Variants in PFN4 observed in about 807,000 individuals in gnomAD.
PFN4 encodes the protein profilin family member 4.
Under a neutral mutation model 16.3 loss-of-function variants are expected in PFN4, and 10 were observed. That is an observed-to-expected ratio of 0.61 (90% CI 0.38 to 1.04). PFN4 has a LOEUF of 1.04. Among genes scored for constraint, PFN4 ranks in the 50% least tolerant of loss-of-function variants. The pLI, the probability that PFN4 is intolerant of heterozygous loss-of-function variation, is 0.01. For missense variants in PFN4, 136 were observed against 153.6 expected (o/e 0.89, Z 0.61); for synonymous variants, 54 against 56.9 (o/e 0.95, Z 0.23).
chr2:24,120,352 T>A (rs777625437), intron 3 of PFN4, among the ~76,000 whole-genome samples: 16 of 152,142 alleles, frequency 1.1e-4, no homozygotes, highest in Non-Finnish European at 1.8e-4. Flanking sequence ...ATTGGACAGC[T>A]CTGGGCTTGA....
chr2:24,120,316 G>A (rs977970970), intron 3 of PFN4, among the ~76,000 whole-genome samples: 4 of 151,990 alleles, frequency 2.6e-5, no homozygotes, highest in Non-Finnish European at 5.9e-5. Flanking sequence ...CAAAACTGAT[G>A]TAATGGAAAG....
intron 3 of PFN4, among the ~76,000 whole-genome samples, chr2:24,120,516 A>G (rs936218030): frequency 3.3e-5 from 5 of 152,184 alleles, no homozygotes; most frequent in Admixed American, 3.3e-4. Flanking sequence ...AATGATTTTC[A>G]TCTCTTTCAT....
chr2:24,121,324 C>G, intron 2 of PFN4, 24 bp from the exon 3 acceptor site: 1 of 1,603,146 alleles, frequency 6.2e-7, no homozygotes, highest in Non-Finnish European at 8.5e-7. Context: ...ATGGTTAGAG[C>G]AGGAGTCAGC....
At chr2:24,117,187 T>C (rs1357139793) in intron 4 of PFN4, among the ~76,000 whole-genome samples, 2 of 151,886 alleles carry the variant, frequency 1.3e-5, no homozygotes, top group African/African-American at 4.8e-5. Context: ...GTCTAATTTA[T>C]GTATTTTTGG....
Position 24,122,326 on chromosome 2 carries a change from C to CAAAAAA in PFN4, c.117+87_117+92dup, listed in dbSNP as rs71397404. On this transcript the variant is annotated intron_variant, in intron 2 of 4. Transcript: ENST00000313213. ...AAGCAACAAGAGTGAAATTCCGTCT[C>CAAAAAA]AAAAAAAAAAAAAAGTCATGTCTGC... 7.0e-4 allele frequency: 526 copies of CAAAAAA among 748,614 alleles called. 1 individual carries two copies. Among genetic ancestry groups the CAAAAAA allele is most frequent in the South Asian group, 1.1e-3 (63 of 59,806 alleles). The allele number at this position is 748,614 out of a possible 1,614,324, so 46.4% of individuals were successfully genotyped here. A position where few individuals can be genotyped will look rare whatever the true frequency, so the allele number is the denominator to read the frequency against.
At chr2:24,117,589 C>CCCACCA (rs1665963588) in intron 4 of PFN4, among the ~76,000 whole-genome samples, 1 of 151,950 alleles carries the variant, frequency 6.6e-6, no homozygotes, top group African/African-American at 2.4e-5. Flanking sequence ...ATTACAGGTA[C>CCCACCA]CCACCACCAC....
Position 24,122,536 on chromosome 2 carries a change from G to A in PFN4, c.-1C>T, listed in dbSNP as rs748171442. 3.1e-6 allele frequency: 5 copies of A among 1,605,166 alleles called. No individual in the cohort carries two copies. The highest frequency in any genetic ancestry group is 4.3e-6 in the Non-Finnish European group (5 of 1,172,820). Reference sequence around the variant, plus strand: ...ACAATAAGCTCTGCAAATGGCTCATGTTCCCTCAACTCTGAAAGGGAAAGT... The same window carrying A: ...ACAATAAGCTCTGCAAATGGCTCATATTCCCTCAACTCTGAAAGGGAAAGT... On this transcript the variant is annotated 5_prime_UTR_variant, in exon 2 of 5. Transcript: ENST00000313213.
Position 24,115,513 on chromosome 2 carries a change from A to G in PFN4, c.*70T>C. The G allele has an allele frequency of 2.1e-6, 3 of 1,399,828 alleles. No homozygotes were observed. The highest frequency in any genetic ancestry group is 2.0e-6 in the Non-Finnish European group (2 of 1,006,420). The allele number at this position is 1,399,828 out of a possible 1,614,324, so 86.7% of individuals were successfully genotyped here. A position where few individuals can be genotyped will look rare whatever the true frequency, so the allele number is the denominator to read the frequency against. On this transcript the variant is annotated 3_prime_UTR_variant, in exon 5 of 5. Transcript: ENST00000313213. ...TGTCTAGTGTTTTTTCAACCATAAA[A>G]TATTTTTTCTTTAGGCTCTTCAATT...
In PFN4 at chr2:24,115,483, C is replaced by A; in HGVS notation, c.*100G>T. On this transcript the variant is annotated 3_prime_UTR_variant, in exon 5 of 5. Transcript: ENST00000313213. Reference sequence around the variant, plus strand: ...CTTAATTCATTCTTCTTTTTTAGTGCCTTCTGTCTAGTGTTTTTTCAACCA... The same window carrying A: ...CTTAATTCATTCTTCTTTTTTAGTGACTTCTGTCTAGTGTTTTTTCAACCA... 2 of 996,320 alleles carry A rather than the reference C, an allele frequency of 2.0e-6. No individual in the cohort carries two copies. Among genetic ancestry groups the A allele is most frequent in the Non-Finnish European group, 3.0e-6 (2 of 665,816 alleles). The allele number at this position is 996,320 out of a possible 1,614,324, so 61.7% of individuals were successfully genotyped here. A position where few individuals can be genotyped will look rare whatever the true frequency, so the allele number is the denominator to read the frequency against.
At chr2:24,123,453 C>G (rs1666194135), upstream of PFN4, 2 of 152,374 alleles carry the variant, frequency 1.3e-5, no homozygotes, top group South Asian at 4.1e-4. Flanking sequence ...CTCCGCCGCC[C>G]CGGCACCGCC....
intron 3 of PFN4, 26 bp downstream of exon 3, chr2:24,121,137 G>T (rs776497287): frequency 6.2e-7 from 1 of 1,613,112 alleles, no homozygotes; most frequent in East Asian, 2.2e-5. Flanking sequence ...CTTTTACTCA[G>T]CTCTCTTCAA....
intron 4 of PFN4, among the ~76,000 whole-genome samples, chr2:24,118,767 C>T (rs565384572): frequency 1.3e-5 from 2 of 152,262 alleles, no homozygotes; most frequent in African/African-American, 4.8e-5. Flanking sequence ...TTAACCAGCT[C>T]TGCTTCCCTA....
Position 24,119,631 on chromosome 2 carries a change from T to C in PFN4, c.307A>G (p.Thr103Ala). 6.2e-7 allele frequency: 1 copy of C among 1,613,942 alleles called. No individual in the cohort carries two copies. The highest frequency in any genetic ancestry group is 8.5e-7 in the Non-Finnish European group (1 of 1,179,894). The change falls in exon 4 of 5, where the codon ACT (threonine) becomes GCT (alanine). Residue 103 changes from threonine to alanine, a missense_variant. Physicochemically the swap from Thr to Ala is moderately conservative, Grantham distance 58. Transcript: ENST00000313213. ...CTAGGATACATGCCCTCAGTGTAAG[T>C]TGCTACCAGAAGATACAGATGGGTC... Reference protein sequence around the residue: ...VKTHLYLLVATYTEGMYPSIC... With the variant: ...VKTHLYLLVAAYTEGMYPSIC...
rs1666158949 is a variant in PFN4 at position 24,122,676 on chromosome 2, G to GA, written c.-12-130dup. On this transcript the variant is annotated intron_variant, in intron 1 of 4. Coordinates refer to ENST00000313213, the MANE Select transcript of PFN4 (RefSeq NM_199346.3). ...AGTGTACTTTGAAAAGGTACAGGGT[G>GA]AAAACGGTGGTCCATCATTCAGGGC... is the stretch of plus-strand genomic sequence containing the variant. The GA allele has an allele frequency of 2.6e-5, 16 of 607,366 alleles. No individual in the cohort carries two copies. The South Asian group carries it at 3.5e-4, about 13-fold the overall frequency. 37.6% of individuals were successfully genotyped at this position (607,366 alleles called of 1,614,324 possible).
chr2:24,116,032 C>A (rs1217310559), intron 4 of PFN4, among the ~76,000 whole-genome samples: 4 of 151,854 alleles, frequency 2.6e-5, no homozygotes. Context: ...ATGACCTAGA[C>A]TTAAAACTGA....
Position 24,116,609 on chromosome 2 carries a change from C to CT in PFN4, c.362-999dup, listed in dbSNP as rs745508826. On this transcript the variant is annotated intron_variant, in intron 4 of 4. Transcript: ENST00000313213. ...GTGGCTCACGCCTATAATCCCAGCA[C>CT]TTTGGGAGGCTGAGGCGGGCAGATC... is the stretch of plus-strand genomic sequence containing the variant. Among the ~76,000 whole-genome samples the CT allele has an allele frequency of 3.9e-5, 6 of 152,118 alleles. No homozygotes were observed. In the South Asian group the frequency reaches 6.2e-4, roughly 16 times the overall value.
At chr2:24,116,710 C>T (rs753113345) in intron 4 of PFN4, among the ~76,000 whole-genome samples, 1 of 151,656 alleles carries the variant, frequency 6.6e-6, no homozygotes, top group Admixed American at 6.6e-5. Context: ...CAAACATTAG[C>T]CTGTGTGGTG....
At chr2:24,120,248 G>A (rs1227329305) in intron 3 of PFN4, among the ~76,000 whole-genome samples, 3 of 149,766 alleles carry the variant, frequency 2.0e-5, no homozygotes, top group South Asian at 2.1e-4. Context: ...CAGCCTGGGC[G>A]ACAAAAGTGA....
intron 3 of PFN4, 121 bp downstream of exon 3, chr2:24,121,042 G>T: frequency 7.5e-7 from 1 of 1,340,678 alleles, no homozygotes; most frequent in Non-Finnish European, 1.0e-6. Flanking sequence ...GCTATCTCAA[G>T]ACAATGGCTC....
Sources: gnomAD v4.1 joint callset for allele counts (sites outside exome capture counted in the v4.1 genomes callset) on GRCh38, gnomAD v4.1.1 for gene constraint, MANE v1.5 for transcripts, NCBI Gene and HGNC (gene_info 2026-07-23, HGNC 2026-07-21) for gene names.